DOCK6: variants seen among roughly 807,000 people sequenced by gnomAD.
The protein encoded by DOCK6 is dedicator of cytokinesis 6, also known as dedicator of cytokinesis protein 6.
Under a neutral mutation model 230.3 loss-of-function variants are expected in DOCK6, and 167 were observed. The observed-to-expected ratio is 0.73, with a 90% CI of 0.64 to 0.82. DOCK6 has a LOEUF of 0.82. Among genes scored for constraint, DOCK6 ranks in the 40% least tolerant of loss-of-function variants. The probability of loss-of-function intolerance (pLI) is 0.00; values close to 1 mark genes in which losing one functional copy is unlikely to be tolerated. For missense variants in DOCK6, 2,598 were observed against 2,825.8 expected (o/e 0.92, Z 1.83); for synonymous variants, 1,148 against 1,185.0 (o/e 0.97, Z 0.64).
chr19:11,240,555 G>A (rs571095600), intron 14 of DOCK6, among the ~76,000 whole-genome samples: 13 of 152,090 alleles, frequency 8.5e-5, no homozygotes, highest in African/African-American at 2.4e-4. Flanking sequence ...AGCATGGGGC[G>A]GGCACACAGT....
Position 11,203,890 on chromosome 19 carries a change from T to G in DOCK6, c.5235+191A>C, listed in dbSNP as rs1454263915. On this transcript the variant is annotated intron_variant, in intron 41 of 47. Coordinates refer to ENST00000294618, the MANE Select transcript of DOCK6 (RefSeq NM_020812.4). ...GGTGAGTCACAAGCTGCCCTCGAGA[T>G]CTGGGGCGGGGGGTGGGGGCATTTT... is the stretch of plus-strand genomic sequence containing the variant. 6 of 677,600 alleles carry G rather than the reference T, an allele frequency of 8.9e-6. No homozygotes were observed. In the African/African-American group the frequency reaches 1.2e-4, roughly 14 times the overall value. The allele number at this position is 677,600 out of a possible 1,614,324, so 42.0% of individuals were successfully genotyped here.
intron 14 of DOCK6, chr19:11,240,429 C>G: frequency 1.1e-6 from 1 of 932,990 alleles, no homozygotes; most frequent in Non-Finnish European, 1.5e-6. Context: ...TGTCCCCAGA[C>G]AAAACTCAAG....
Position 11,237,508 on chromosome 19 carries a change from A to G in DOCK6, c.2021T>C (p.Leu674Pro). The G allele has an allele frequency of 6.2e-7, 1 of 1,613,096 alleles. No individual in the cohort carries two copies. The highest frequency in any genetic ancestry group is 8.5e-7 in the Non-Finnish European group (1 of 1,179,712). ...CGGCGGCTGGTCCACAGACACTGGG[A>G]GACAGAAGGGGCCGGTCCTCAGGCG... is the stretch of plus-strand genomic sequence containing the variant. ...HGRLRTGPFCLPVSVDQPPPS... is the reference protein window; with the variant it reads ...HGRLRTGPFCPPVSVDQPPPS... The change falls in exon 18 of 48, where the codon CTC (leucine) becomes CCC (proline). Residue 674 changes from leucine to proline, a missense_variant. Leu to Pro is a moderately conservative substitution (Grantham distance 98). Coordinates refer to ENST00000294618, the MANE Select transcript of DOCK6 (RefSeq NM_020812.4).
chr19:11,252,448 C>T lies in DOCK6; in HGVS notation c.377+34G>A, dbSNP rs755523932. On this transcript the variant is annotated intron_variant, in intron 4 of 47. Transcript: ENST00000294618. ...ACATCAGCTCAGCCCTTTTGGGTTC[C>T]GAACCCCCTGAGCTGCCCCTAAGTC... 68 of 1,612,842 alleles carry T rather than the reference C, an allele frequency of 4.2e-5. 1 individual carries two copies. The highest frequency in any genetic ancestry group is 1.7e-4 in the Middle Eastern group (1 of 6,052).
Position 11,252,810 on chromosome 19 carries a change from G to A in DOCK6, c.281C>T (p.Thr94Ile), listed in dbSNP as rs747666106. 6.2e-6 allele frequency: 10 copies of A among 1,612,538 alleles called. No individual in the cohort carries two copies. The highest frequency in any genetic ancestry group is 1.7e-5 in the Admixed American group (1 of 59,966). Residue 94 changes from threonine to isoleucine, a missense_variant, in exon 3 of 48, where the codon ACC becomes ATC. Physicochemically the swap from Thr to Ile is moderately conservative, Grantham distance 89. Transcript: ENST00000294618. ...ELLLQPRECR[T>I]TEPGIPKDEK... ...ATCCTTGGGGATCCCGGGCTCCGTG[G>A]TCCGGCATTCCCGGGGCTGCAGCAG...
Position 11,202,055 on chromosome 19 carries a change from A to G in DOCK6, c.5522T>C (p.Phe1841Ser), listed in dbSNP as rs1477060293. ...TGTGCGAAGCCCATAGTTGCGGTCAAAGTAGGTCACCCGGTCCTTGAGCTC... is the reference window on the plus strand; with the variant it reads ...TGTGCGAAGCCCATAGTTGCGGTCAGAGTAGGTCACCCGGTCCTTGAGCTC... ...TYELKDRVTY[F>S]DRNYGLRTFL... is the part of the protein sequence containing the mutation. The change falls in exon 44 of 48, where the codon TTT (phenylalanine) becomes TCT (serine). Residue 1841 changes from phenylalanine (F) to serine (S), a missense_variant. Coordinates refer to ENST00000294618, the MANE Select transcript of DOCK6 (RefSeq NM_020812.4). This position sits in a 1 kb window ranked among gnomAD's most constrained non-coding sequence, Gnocchi z 5.3. The G allele has an allele frequency of 1.9e-6, 3 of 1,613,910 alleles. No homozygotes were observed. The East Asian group carries it at 6.7e-5, about 36-fold the overall frequency.
At chr19:11,258,237 A>G (rs956128114) in intron 1 of DOCK6, among the ~76,000 whole-genome samples, 1 of 152,216 alleles carries the variant, frequency 6.6e-6, no homozygotes, top group Non-Finnish European at 1.5e-5. Flanking sequence ...AGTTGGGCAC[A>G]TGGATGCAAC....
At position 11,224,602 on chromosome 19, in the gene DOCK6, G is replaced by T. The variant is rs147499165; in HGVS notation, c.2956-1496C>A. ...AGAGCCATGGGGAGAATGGCATCCT[G>T]GGTTAAGGGAACAGTCAGTGCAAAG... On this transcript the variant is annotated intron_variant, in intron 24 of 47. Coordinates refer to ENST00000294618, the MANE Select transcript of DOCK6 (RefSeq NM_020812.4). Among the ~76,000 whole-genome samples, 337 of 152,314 alleles carry T rather than the reference G, an allele frequency of 2.2e-3. 1 individual carries two copies. The highest frequency in any genetic ancestry group is 7.2e-3 in the African/African-American group (299 of 41,574).
At position 11,236,680 on chromosome 19, in the gene DOCK6, T is replaced by A; in HGVS notation, c.2161-103A>T. 1 of 1,510,970 alleles carries A rather than the reference T, an allele frequency of 6.6e-7. No homozygotes were observed. The highest frequency in any genetic ancestry group is 9.0e-7 in the Non-Finnish European group (1 of 1,113,090). The allele number at this position is 1,510,970 out of a possible 1,614,324, so 93.6% of individuals were successfully genotyped here. A position where few individuals can be genotyped will look rare whatever the true frequency, so the allele number is the denominator to read the frequency against. Reference sequence around the variant, plus strand: ...TAAAGCTGGGTCCAGCTGACCAAAGTCACGTCCAAGGCCTGAGGCCAGACC... The same window carrying A: ...TAAAGCTGGGTCCAGCTGACCAAAGACACGTCCAAGGCCTGAGGCCAGACC... On this transcript the variant is annotated intron_variant, in intron 19 of 47. Transcript: ENST00000294618. This position sits in a 1 kb window ranked among gnomAD's most constrained non-coding sequence, Gnocchi z 5.2.
chr19:11,210,701 C>T (rs987225873), intron 37 of DOCK6, among the ~76,000 whole-genome samples: 1 of 151,118 alleles, frequency 6.6e-6, no homozygotes, highest in African/African-American at 2.4e-5. Flanking sequence ...TACCTATCTA[C>T]CCCTCACCTG....
rs2079161936 is a variant in DOCK6, at chr19:11,201,077, T to TACTC, written c.5689-29_5689-26dup. The TACTC allele has an allele frequency of 6.2e-7, 1 of 1,611,650 alleles. No homozygotes were observed. The highest frequency in any genetic ancestry group is 1.3e-5 in the African/African-American group (1 of 74,862). ...TCTGTGGGGTAAGGGGAGGGGTGTG[T>TACTC]ACTCGCTGGGGCCTGAGGAGGTCCT... On this transcript the variant is annotated intron_variant, in intron 44 of 47. Coordinates refer to ENST00000294618, the MANE Select transcript of DOCK6 (RefSeq NM_020812.4). The surrounding 1 kb of genome is among the most constrained non-coding windows in gnomAD (Gnocchi z 4.3).
chr19:11,240,723 G>A (rs1466413339), intron 14 of DOCK6, among the ~76,000 whole-genome samples: 2 of 151,756 alleles, frequency 1.3e-5, no homozygotes, highest in African/African-American at 4.8e-5. Flanking sequence ...GGAATTACAG[G>A]TGCACCAGCT....
intron 5 of DOCK6, chr19:11,251,683 G>GAT (rs2080119905): frequency 6.5e-6 from 1 of 153,478 alleles, no homozygotes. Context: ...TTGCACCACT[G>GAT]TACTTCAGCC....
At chr19:11,217,541 G>A (rs1403371023) in intron 28 of DOCK6, 150 bp from the exon 29 acceptor site, 5 of 1,010,500 alleles carry the variant, frequency 4.9e-6, no homozygotes, top group Non-Finnish European at 4.3e-6. Context: ...TGGATCACCT[G>A]AGGTCAGGAG....
At chr19:11,224,202 C>CTTTT (rs35851370) in intron 24 of DOCK6, among the ~76,000 whole-genome samples, 1 of 146,810 alleles carries the variant, frequency 6.8e-6, no homozygotes, top group African/African-American at 2.5e-5. Flanking sequence ...TTCTTTCTTT[C>CTTTT]TTTCTTTCTT....
Position 11,235,833 on chromosome 19 carries a change from G to T in DOCK6, c.2393-74C>A, listed in dbSNP as rs1358996598. 3 of 1,475,682 alleles carry T rather than the reference G, an allele frequency of 2.0e-6. No individual in the cohort carries two copies. The African/African-American group carries it at 4.2e-5, about 21-fold the overall frequency. 91.4% of individuals were successfully genotyped at this position (1,475,682 alleles called of 1,614,324 possible). On this transcript the variant is annotated intron_variant, in intron 20 of 47. Transcript: ENST00000294618. ...TCCCCGCCCACTTTCCAAATATAAA[G>T]ACATCAGGATTTGAGGGATCATGTG... is the stretch of plus-strand genomic sequence containing the variant.
chr19:11,221,975 CA>C lies in DOCK6; in HGVS notation c.3425del (p.Leu1142ArgfsTer16). On this transcript the variant is annotated frameshift_variant, in exon 28 of 48. Coordinates refer to ENST00000294618, the MANE Select transcript of DOCK6 (RefSeq NM_020812.4). LOFTEE classifies it high-confidence loss of function. Reference protein sequence around the residue: ...HKKAISAVHSLLCGHDTDPRY... With the variant: ...HKKAISAVHSXLCGHDTDPRY... ...GGGGGTCAGTGTCATGGCCACATAG[CA>C]GGCTGTGCACAGCACTGATGGCCTT... 1 of 1,613,882 alleles carries C rather than the reference CA, an allele frequency of 6.2e-7. No individual in the cohort carries two copies. The highest frequency in any genetic ancestry group is 8.5e-7 in the Non-Finnish European group (1 of 1,179,880).
intron 41 of DOCK6, 69 bp downstream of exon 41, chr19:11,204,012 A>C: frequency 1.3e-6 from 2 of 1,543,740 alleles, no homozygotes; most frequent in South Asian, 1.2e-5. Context: ...CCTGGTGTTC[A>C]CTGATGGCTG....
chr19:11,243,886 C>A lies in DOCK6; in HGVS notation c.1024-4G>T, dbSNP rs766279840. On this transcript the variant is annotated splice_region_variant and splice_polypyrimidine_tract_variant and intron_variant, in intron 9 of 47. Transcript: ENST00000294618. The surrounding 1 kb of genome is among the most constrained non-coding windows in gnomAD (Gnocchi z 6.3). ...CTTGCTGAAGCACCTTCTCCAACTG[C>A]GGGGCAGATGAATGAATCCAGTGAG... is the stretch of plus-strand genomic sequence containing the variant. The A allele has an allele frequency of 5.0e-6, 8 of 1,605,472 alleles. No homozygotes were observed. The highest frequency in any genetic ancestry group is 3.4e-5 in the Admixed American group (2 of 58,480).
Sources: allele counts gnomAD v4.1 joint callset (sites outside exome capture counted in the v4.1 genomes callset), GRCh38; gene constraint gnomAD v4.1.1; non-coding constraint Gnocchi (gnomAD v3.1); transcripts MANE v1.5; gene names NCBI Gene and HGNC (gene_info 2026-07-23, HGNC 2026-07-21).